Variants in CRPPA observed in about 807,000 individuals in gnomAD.
CRPPA encodes CDP-L-ribitol pyrophosphorylase A.
A neutral mutation model predicts 52.0 loss-of-function variants in CRPPA; 43 were observed. The observed-to-expected ratio is 0.83, with a 90% CI of 0.65 to 1.07. The LOEUF is 1.07. Ranked by LOEUF, CRPPA falls within the 50% of genes least tolerant of loss-of-function variation. CRPPA has a pLI of 0.00. For missense variants in CRPPA, 629 were observed against 551.7 expected (o/e 1.14, Z -1.40); for synonymous variants, 250 against 203.5 (o/e 1.23, Z -1.94).
chr7:16,258,524 T>A lies in CRPPA; in HGVS notation c.1027-42A>T, dbSNP rs1432282368. On this transcript the variant is annotated intron_variant, in intron 7 of 9. Transcript: ENST00000407010. Reference sequence around the variant, plus strand: ...ATAAAAGGATATGAGAAGACGTTTTTAAATGACTTAAAACTTATTTCAAGG... The same window carrying A: ...ATAAAAGGATATGAGAAGACGTTTTAAAATGACTTAAAACTTATTTCAAGG... The A allele has an allele frequency of 9.6e-6, 11 of 1,151,662 alleles. No homozygotes were observed. The Middle Eastern group carries it at 7.9e-4, about 83-fold the overall frequency. The allele number at this position is 1,151,662 out of a possible 1,614,324, so 71.3% of individuals were successfully genotyped here.
intron 9 of CRPPA, among the ~76,000 whole-genome samples, chr7:16,123,983 G>A (rs1370359471): frequency 6.6e-6 from 1 of 151,932 alleles, no homozygotes; most frequent in African/African-American, 2.4e-5. Context: ...TTCCTATCTT[G>A]GCTATTGTGA....
At chr7:16,194,984 T>C (rs1475482153) in intron 9 of CRPPA, among the ~76,000 whole-genome samples, 2 of 152,008 alleles carry the variant, frequency 1.3e-5, no homozygotes, top group African/African-American at 4.8e-5. Context: ...ATCATTCTGA[T>C]AGGTTCCTGC....
At chr7:16,319,157 C>G (rs1344003647) in intron 3 of CRPPA, among the ~76,000 whole-genome samples, 1 of 152,122 alleles carries the variant, frequency 6.6e-6, no homozygotes, top group Non-Finnish European at 1.5e-5. Flanking sequence ...TCCTATACAA[C>G]TCTGTTGCCC....
At chr7:16,240,728 T>C (rs1210252171) in intron 8 of CRPPA, among the ~76,000 whole-genome samples, 1 of 152,120 alleles carries the variant, frequency 6.6e-6, no homozygotes, top group Non-Finnish European at 1.5e-5. Flanking sequence ...TATGAACTTG[T>C]GCCTTGAAAA....
intron 9 of CRPPA, among the ~76,000 whole-genome samples, chr7:16,199,288 T>G (rs1385515628): frequency 6.6e-6 from 1 of 152,160 alleles, no homozygotes; most frequent in Non-Finnish European, 1.5e-5. Context: ...GAAGCTCCAC[T>G]CTTTACCCTA....
intron 5 of CRPPA, among the ~76,000 whole-genome samples, chr7:16,295,587 G>A (rs192970722): frequency 4.6e-5 from 7 of 152,144 alleles, no homozygotes; most frequent in Non-Finnish European, 1.0e-4. Context: ...AAGAATGGAG[G>A]TAGAAAATAA....
intron 9 of CRPPA, among the ~76,000 whole-genome samples, chr7:16,109,594 T>C (rs926364117): frequency 2.6e-5 from 4 of 152,010 alleles, no homozygotes; most frequent in African/African-American, 9.7e-5. Flanking sequence ...AACAAAATAC[T>C]AGCAAACCGA....
chr7:16,197,526 C>T (rs1488499269), intron 9 of CRPPA, among the ~76,000 whole-genome samples: 6 of 151,272 alleles, frequency 4.0e-5, no homozygotes, highest in Non-Finnish European at 5.9e-5. Context: ...TTTTAAGAAA[C>T]GGTTTCATCA....
chr7:16,155,295 T>G (rs986177067), intron 9 of CRPPA, among the ~76,000 whole-genome samples: 1 of 152,216 alleles, frequency 6.6e-6, no homozygotes, highest in Non-Finnish European at 1.5e-5. Flanking sequence ...TTCCCCCATA[T>G]TCAAGCAAGA....
At chr7:16,136,377 T>C (rs567995510) in intron 9 of CRPPA, among the ~76,000 whole-genome samples, 39 of 152,310 alleles carry the variant, frequency 2.6e-4, no homozygotes, top group African/African-American at 8.4e-4. Flanking sequence ...TTCAGTTTTG[T>C]GGATGAGGAA....
At chr7:16,102,117 C>A (rs963369200) in intron 9 of CRPPA, among the ~76,000 whole-genome samples, 33 of 152,082 alleles carry the variant, frequency 2.2e-4, no homozygotes, top group Admixed American at 1.3e-4. Context: ...ATATATAGAC[C>A]AATGGAACAA....
chr7:16,168,427 C>T (rs909467326), intron 9 of CRPPA, among the ~76,000 whole-genome samples: 1 of 151,786 alleles, frequency 6.6e-6, no homozygotes, highest in African/African-American at 2.4e-5. Context: ...ATGGATAAAA[C>T]TATTAAATTT....
chr7:16,231,745 GGGGGAGTAC>G (rs1434711194), intron 8 of CRPPA, among the ~76,000 whole-genome samples: 10 of 152,122 alleles, frequency 6.6e-5, no homozygotes, highest in Non-Finnish European at 1.5e-4. Flanking sequence ...TCTACCCAAG[GGGGGAGTAC>G]TAGGGATGAA....
intron 8 of CRPPA, among the ~76,000 whole-genome samples, chr7:16,233,920 C>T (rs1252933041): frequency 6.6e-6 from 1 of 152,074 alleles, no homozygotes; most frequent in African/African-American, 2.4e-5. Context: ...CACTTTCAGG[C>T]TGCTGGGTCC....
intron 9 of CRPPA, among the ~76,000 whole-genome samples, chr7:16,116,153 C>T (rs1782366649): frequency 6.6e-6 from 1 of 152,110 alleles, no homozygotes; most frequent in South Asian, 2.1e-4. Flanking sequence ...AGAAACCCAG[C>T]AGATGCCACT....
At chr7:16,277,969 A>G (rs1784243833) in intron 6 of CRPPA, among the ~76,000 whole-genome samples, 160 bp downstream of exon 6, 1 of 152,220 alleles carries the variant, frequency 6.6e-6, no homozygotes, top group South Asian at 2.1e-4. Flanking sequence ...AGTATGTTTC[A>G]GATCCTAAGT....
At chr7:16,170,842 G>A (rs1388452596) in intron 9 of CRPPA, among the ~76,000 whole-genome samples, 1 of 152,232 alleles carries the variant, frequency 6.6e-6, no homozygotes, top group Non-Finnish European at 1.5e-5. Context: ...CCCTCATTGC[G>A]CAGCGCCGGC....
chr7:16,375,740 C>T (rs1786863755), intron 3 of CRPPA, among the ~76,000 whole-genome samples: 1 of 152,106 alleles, frequency 6.6e-6, no homozygotes, highest in African/African-American at 2.4e-5. Context: ...AGAGGATATC[C>T]AGATGACCAA....
chr7:16,312,638 T>C (rs1170600728), intron 3 of CRPPA, among the ~76,000 whole-genome samples: 1 of 151,978 alleles, frequency 6.6e-6, no homozygotes, highest in Non-Finnish European at 1.5e-5. Flanking sequence ...AAAAGAGCAC[T>C]GAGGAGGCAC....
Sources: gnomAD v4.1 joint callset for allele counts (sites outside exome capture counted in the v4.1 genomes callset) on GRCh38, gnomAD v4.1.1 for gene constraint, MANE v1.5 for transcripts, NCBI Gene and HGNC (gene_info 2026-07-23, HGNC 2026-07-21) for gene names.